LRRC39: variants seen among roughly 807,000 people sequenced by gnomAD.
LRRC39 encodes the protein leucine rich repeat containing 39, also known as leucine-rich repeat-containing protein 39.
LRRC39 carries 35 observed loss-of-function variants against 39.7 expected under a neutral mutation model. The observed-to-expected ratio is 0.88, with a 90% confidence interval of 0.67 to 1.17. LRRC39 has a LOEUF of 1.17. Ranked by LOEUF, LRRC39 falls within the 50% of genes most tolerant of loss-of-function variation. The pLI is 0.00. For synonymous variants in LRRC39, 113 were observed against 134.1 expected (o/e 0.84, Z 1.09); for missense variants, 357 against 385.8 (o/e 0.93, Z 0.62).
At position 100,178,189 on chromosome 1, in the gene LRRC39, T is replaced by A. The variant is rs1387557655; in HGVS notation, c.-173A>T. ...TTAAGAGTAGATTGCAGGGGGAAAT[T>A]TTTTTTTCAGTGTGGCTCCAAATGA... is the stretch of plus-strand genomic sequence containing the variant. On this transcript the variant is annotated 5_prime_UTR_variant, in exon 1 of 10. Coordinates refer to ENST00000370137, the MANE Select transcript of LRRC39 (RefSeq NM_144620.4). 4 of 152,118 alleles carry A rather than the reference T, an allele frequency of 2.6e-5. No homozygotes were observed. The highest frequency in any genetic ancestry group is 9.7e-5 in the African/African-American group (4 of 41,432). 9.4% of individuals were successfully genotyped at this position (152,118 alleles called of 1,614,324 possible).
At chr1:100,163,033 A>C (rs1050633902) in intron 3 of LRRC39, among the ~76,000 whole-genome samples, 1 of 152,218 alleles carries the variant, frequency 6.6e-6, no homozygotes, top group African/African-American at 2.4e-5. Context: ...ACTTGCCTAA[A>C]ATTTAATCTG....
chr1:100,149,471 A>G (rs552682956), intron 9 of LRRC39: 85 of 1,520,894 alleles, frequency 5.6e-5, no homozygotes, highest in Admixed American at 2.8e-4. Flanking sequence ...TCACTTAATT[A>G]TTTTGTTGGA....
At chr1:100,157,382 T>A (rs552607722) in intron 6 of LRRC39, among the ~76,000 whole-genome samples, 2 of 152,182 alleles carry the variant, frequency 1.3e-5, no homozygotes, top group Non-Finnish European at 2.9e-5. Context: ...CCTTTTGCCT[T>A]CTGCCATGAT....
chr1:100,169,390 G>A (rs1005750420), intron 2 of LRRC39, among the ~76,000 whole-genome samples: 10 of 152,058 alleles, frequency 6.6e-5, no homozygotes, highest in Admixed American at 6.6e-4. Flanking sequence ...TAGGGAAACA[G>A]ACACTTTCCT....
At chr1:100,168,619 A>G in intron 2 of LRRC39, 25 bp from the exon 3 acceptor site, 1 of 808,178 alleles carries the variant, frequency 1.2e-6, no homozygotes, top group Non-Finnish European at 2.0e-6. Context: ...GAAAAAAAGC[A>G]ATGTTTCAGA....
intron 3 of LRRC39, among the ~76,000 whole-genome samples, chr1:100,162,870 T>A (rs908505416): frequency 6.6e-6 from 1 of 152,234 alleles, no homozygotes; most frequent in African/African-American, 2.4e-5. Context: ...AGTTAATACA[T>A]AATTTTAGCA....
chr1:100,161,945 C>G (rs553992335), intron 3 of LRRC39, among the ~76,000 whole-genome samples: 2 of 152,310 alleles, frequency 1.3e-5, no homozygotes, highest in Admixed American at 6.5e-5. Context: ...CTGTGCCTGG[C>G]TATGTTTAAC....
At chr1:100,171,246 T>C (rs1659575173) in intron 2 of LRRC39, among the ~76,000 whole-genome samples, 1 of 152,096 alleles carries the variant, frequency 6.6e-6, no homozygotes, top group Admixed American at 6.6e-5. Context: ...ATAAACTTAC[T>C]TAAATGATAA....
chr1:100,148,873 T>G lies in LRRC39; in HGVS notation c.*169A>C, dbSNP rs923864619. Reference sequence around the variant, plus strand: ...CTTCCACCAAAAAAAATTTTTTAATTATATTTTTATATCAAAAAAATATAT... The same window carrying G: ...CTTCCACCAAAAAAAATTTTTTAATGATATTTTTATATCAAAAAAATATAT... On this transcript the variant is annotated 3_prime_UTR_variant, in exon 10 of 10. Coordinates refer to ENST00000370137, the MANE Select transcript of LRRC39 (RefSeq NM_144620.4). 49 of 1,173,810 alleles carry G rather than the reference T, an allele frequency of 4.2e-5. 1 individual carries two copies. Among genetic ancestry groups the G allele is most frequent in the Non-Finnish European group, 5.3e-5 (48 of 902,306 alleles). The allele number at this position is 1,173,810 out of a possible 1,614,324, so 72.7% of individuals were successfully genotyped here.
chr1:100,171,681 T>C (rs1367637350), intron 2 of LRRC39, among the ~76,000 whole-genome samples: 1 of 151,244 alleles, frequency 6.6e-6, no homozygotes, highest in Non-Finnish European at 1.5e-5. Flanking sequence ...TTTTTTTTTT[T>C]TTTGTAAAGA....
chr1:100,168,082 T>C (rs2101790574), intron 3 of LRRC39, among the ~76,000 whole-genome samples: 1 of 152,082 alleles, frequency 6.6e-6, no homozygotes, highest in South Asian at 2.1e-4. Context: ...CTGTCAAATG[T>C]TGTTTTAGGT....
At chr1:100,159,888 T>G (rs1320654446) in intron 4 of LRRC39, among the ~76,000 whole-genome samples, 1 of 152,190 alleles carries the variant, frequency 6.6e-6, no homozygotes, top group East Asian at 1.9e-4. Flanking sequence ...TTTCAACTAT[T>G]CTGAACTCTG....
At position 100,153,454 on chromosome 1, in the gene LRRC39, A is replaced by G. The variant is rs746648150; in HGVS notation, c.813-930T>C. Among the ~76,000 whole-genome samples, 98 of 152,220 alleles carry G rather than the reference A, an allele frequency of 6.4e-4. 3 individuals are homozygous for G. Among genetic ancestry groups the G allele is most frequent in the Non-Finnish European group, 1.5e-4 (10 of 68,042 alleles). ...TAACAAAACCAAAAATAGACAAATG[A>G]GATTTAATTAGAAAAACTTCTGCAC... On this transcript the variant is annotated intron_variant, in intron 8 of 9. Transcript: ENST00000370137.
chr1:100,175,551 A>T (rs1353650774), intron 1 of LRRC39, among the ~76,000 whole-genome samples: 2 of 152,140 alleles, frequency 1.3e-5, no homozygotes, highest in Non-Finnish European at 2.9e-5. Flanking sequence ...ACTACATTAC[A>T]ATTAAGAACC....
chr1:100,149,021 A>G lies in LRRC39; in HGVS notation c.*21T>C. 6.4e-7 allele frequency: 1 copy of G among 1,553,730 alleles called. No individual in the cohort carries two copies. The highest frequency in any genetic ancestry group is 8.7e-7 in the Non-Finnish European group (1 of 1,154,200). ...AGAATTCACCAAAGTAATCCTCTTT[A>G]GAAGGGCATCTTGAATTATATTATC... On this transcript the variant is annotated 3_prime_UTR_variant, in exon 10 of 10. Coordinates refer to ENST00000370137, the MANE Select transcript of LRRC39 (RefSeq NM_144620.4).
At chr1:100,154,464 T>C (rs1315821252) in intron 8 of LRRC39, among the ~76,000 whole-genome samples, 1 of 152,188 alleles carries the variant, frequency 6.6e-6, no homozygotes, top group Non-Finnish European at 1.5e-5. Context: ...ATACATAGCA[T>C]GAAACATAAT....
intron 5 of LRRC39, among the ~76,000 whole-genome samples, chr1:100,158,647 A>G (rs747881225): frequency 6.6e-6 from 1 of 151,950 alleles, no homozygotes; most frequent in African/African-American, 2.4e-5. Flanking sequence ...CGTGTTAGCC[A>G]GGATGGTCGC....
chr1:100,164,502 A>C (rs1659106011), intron 3 of LRRC39, among the ~76,000 whole-genome samples: 1 of 152,206 alleles, frequency 6.6e-6, no homozygotes, highest in South Asian at 2.1e-4. Flanking sequence ...CTACGCAGAC[A>C]AGTTTGAGAA....
chr1:100,160,322 G>A (rs1658780632), intron 4 of LRRC39, 144 bp downstream of exon 4: 2 of 543,352 alleles, frequency 3.7e-6, no homozygotes, highest in Non-Finnish European at 6.1e-6. Flanking sequence ...CTTTTCAGTT[G>A]CACATGTTGC....
Sources: allele counts gnomAD v4.1 joint callset (sites outside exome capture counted in the v4.1 genomes callset), GRCh38; gene constraint gnomAD v4.1.1; transcripts MANE v1.5; gene names NCBI Gene and HGNC (gene_info 2026-07-23, HGNC 2026-07-21).